ZNF253: variants seen among roughly 807,000 people sequenced by gnomAD.
ZNF253 encodes zinc finger protein 253.
Under a neutral mutation model 11.9 loss-of-function variants are expected in ZNF253, and 8 were observed. That is an observed-to-expected ratio of 0.67 (90% CI 0.40 to 1.22). The LOEUF (loss-of-function observed/expected upper bound fraction) is 1.22. Among genes scored for constraint, ZNF253 ranks in the 50% most tolerant of loss-of-function variants. The pLI is 0.01. For synonymous variants in ZNF253, 194 were observed against 194.9 expected, an observed-to-expected ratio of 1.00 and a Z score of 0.04; for missense variants, 485 against 586.9, an observed-to-expected ratio of 0.83 and a Z score of 1.79.
At chr19:19,866,032 G>C in intron 1 of ZNF253, 33 bp downstream of exon 1, 1 of 1,614,182 alleles carries the variant, frequency 6.2e-7, no homozygotes, top group Non-Finnish European at 8.5e-7. Context: ...CGAGAGAGGG[G>C]AGAGGCTGTT....
intron 3 of ZNF253, among the ~76,000 whole-genome samples, chr19:19,885,339 TTTC>T (rs1568499247): frequency 1.4e-5 from 1 of 72,558 alleles, no homozygotes; most frequent in African/African-American, 1.7e-4. Context: ...TCTTTCTTTC[TTTC>T]TTTCTTTCTT....
rs926536089 is a variant in ZNF253 at position 19,894,469 on chromosome 19, G to C, written c.*1722G>C. ...GCATGATGAAAATATAAGTGGAGAG[G>C]CTCTTTGTAGTTAACTGATATTAAG... On this transcript the variant is annotated 3_prime_UTR_variant, in exon 4 of 4. Transcript: ENST00000589717. 1 of 152,116 alleles carries C rather than the reference G, an allele frequency of 6.6e-6. No individual in the cohort carries two copies. Among genetic ancestry groups the C allele is most frequent in the Non-Finnish European group, 1.5e-5 (1 of 68,010 alleles). The allele number at this position is 152,116 out of a possible 1,614,324, so 9.4% of individuals were successfully genotyped here.
At chr19:19,880,281 T>G (rs2063172393) in intron 3 of ZNF253, 135 bp downstream of exon 3, 4 of 525,904 alleles carry the variant, frequency 7.6e-6, no homozygotes, top group South Asian at 2.2e-5. Context: ...CTGTTTTTTT[T>G]TTTTTTTTTT....
In ZNF253 at chr19:19,866,097, C is replaced by T. The variant is rs535923000; in HGVS notation, c.3+98C>T. The stretch of plus-strand genomic sequence containing the variant: ...CTCTGCTTCCTCACAGTCAGCTCCA[C>T]AATCTGCCGCCGGAGTTCTCCCTGC... On this transcript the variant is annotated intron_variant, in intron 1 of 3. Transcript: ENST00000589717. 53 of 1,521,874 alleles carry T rather than the reference C, an allele frequency of 3.5e-5. No individual in the cohort carries two copies. In the South Asian group the frequency reaches 5.6e-4, roughly 16 times the overall value. The allele number at this position is 1,521,874 out of a possible 1,614,324, so 94.3% of individuals were successfully genotyped here.
At chr19:19,868,215 T>A (rs1008543844) in intron 1 of ZNF253, among the ~76,000 whole-genome samples, 6 of 152,138 alleles carry the variant, frequency 3.9e-5, no homozygotes, top group Non-Finnish European at 8.8e-5. Context: ...CCATTGTCAA[T>A]TTTTGCTTTT....
chr19:19,892,655 C>T lies in ZNF253; in HGVS notation c.1408C>T (p.His470Tyr). 1 of 1,613,282 alleles carries T rather than the reference C, an allele frequency of 6.2e-7. No homozygotes were observed. The highest frequency in any genetic ancestry group is 2.2e-5 in the East Asian group (1 of 44,854). Residue 470 changes from histidine (H) to tyrosine (Y), a missense_variant, in exon 4 of 4, where the codon CAT becomes TAT. Physicochemically the swap from His to Tyr is moderately conservative, Grantham distance 83. Around this residue, in one of 3 missense-constraint regions of ZNF253, gnomAD observed 232 missense variants for 321.4 expected, o/e 0.72. Transcript: ENST00000589717. ...AFNWSSDLNK[H>Y]KKIHIERKPY... The stretch of plus-strand genomic sequence containing the variant: ...TAACTGGTCCTCAGACCTTAATAAA[C>T]ATAAGAAAATTCATATTGAACGAAA...
chr19:19,866,672 A>G (rs980287975), intron 1 of ZNF253, among the ~76,000 whole-genome samples: 1 of 151,748 alleles, frequency 6.6e-6, no homozygotes, highest in African/African-American at 2.4e-5. Context: ...CTGATTTTGT[A>G]TTTTTAGTAG....
At chr19:19,873,186 G>A (rs999051059) in intron 1 of ZNF253, among the ~76,000 whole-genome samples, 5 of 150,598 alleles carry the variant, frequency 3.3e-5, no homozygotes, top group Non-Finnish European at 6.0e-5. Context: ...GTGTAAATAA[G>A]CATCTTAGGA....
intron 3 of ZNF253, among the ~76,000 whole-genome samples, chr19:19,882,654 A>G (rs1207971363): frequency 1.3e-5 from 2 of 152,132 alleles, no homozygotes; most frequent in Admixed American, 6.6e-5. Flanking sequence ...CTGTTTGTAC[A>G]CTTTAAGTCA....
At chr19:19,882,925 T>G (rs1482038847) in intron 3 of ZNF253, among the ~76,000 whole-genome samples, 2 of 151,288 alleles carry the variant, frequency 1.3e-5, no homozygotes, top group African/African-American at 4.9e-5. Context: ...GAGCCGAGAT[T>G]GCACCATTGC....
At position 19,894,062 on chromosome 19, in the gene ZNF253, AT is replaced by A. The variant is rs1462768497; in HGVS notation, c.*1316del. 4 of 152,246 alleles carry A rather than the reference AT, an allele frequency of 2.6e-5. No homozygotes were observed. The highest frequency in any genetic ancestry group is 5.9e-5 in the Non-Finnish European group (4 of 68,046). The allele number at this position is 152,246 out of a possible 1,614,324, so 9.4% of individuals were successfully genotyped here. ...TTAATTCAAAATTGATTCTATGTAA[AT>A]ATCAGAGAATTTTCCATAGAATAAT... On this transcript the variant is annotated 3_prime_UTR_variant, in exon 4 of 4. Transcript: ENST00000589717.
At chr19:19,871,757 T>C (rs2063134655) in intron 1 of ZNF253, among the ~76,000 whole-genome samples, 1 of 152,214 alleles carries the variant, frequency 6.6e-6, no homozygotes, top group African/African-American at 2.4e-5. Context: ...AGATTGACGA[T>C]GATGCATATC....
intron 3 of ZNF253, 143 bp downstream of exon 3, chr19:19,880,289 T>G: frequency 1.9e-6 from 1 of 523,238 alleles, no homozygotes; most frequent in South Asian, 2.1e-5. Flanking sequence ...TTTTTTTTTT[T>G]TTTCTCCCAC....
chr19:19,867,826 G>A (rs930964728), intron 1 of ZNF253, among the ~76,000 whole-genome samples: 4 of 152,114 alleles, frequency 2.6e-5, no homozygotes, highest in Admixed American at 6.5e-5. Context: ...TAGAGTATAA[G>A]CATTCCCTTT....
chr19:19,879,565 A>G (rs1324841849), intron 2 of ZNF253, among the ~76,000 whole-genome samples: 3 of 152,182 alleles, frequency 2.0e-5, no homozygotes. Context: ...TAAGTTAACT[A>G]CAAAGAGCCT....
chr19:19,866,141 C>G, intron 1 of ZNF253, 142 bp downstream of exon 1: 1 of 1,112,734 alleles, frequency 9.0e-7, no homozygotes, highest in South Asian at 1.4e-5. Context: ...GCCTCAGTCC[C>G]CTTCAGCCAT....
In ZNF253 at chr19:19,890,935, T is replaced by C. The variant is rs113485314; in HGVS notation, c.227-539T>C. ...TGGCTCACTGCAGTCTTTGCCTCCC[T>C]GGTTCAAGCAATTCTCTGCCGCAGC... On this transcript the variant is annotated intron_variant, in intron 3 of 3. Transcript: ENST00000589717. Among the ~76,000 whole-genome samples the C allele has an allele frequency of 2.5e-3, 361 of 145,846 alleles. 5 individuals carry two copies. Among genetic ancestry groups the C allele is most frequent in the Middle Eastern group, 0.011 (3 of 282 alleles).
At chr19:19,885,326 CT>C (rs1336779849) in intron 3 of ZNF253, among the ~76,000 whole-genome samples, 9 of 71,770 alleles carry the variant, frequency 1.3e-4, no homozygotes, top group African/African-American at 1.5e-4. Flanking sequence ...TTCTTTCTTT[CT>C]TTCTTTCTTT....
rs1044280022 is a variant in ZNF253 at position 19,891,601 on chromosome 19, C to G, written c.354C>G (p.Ser118Arg). 6.2e-7 allele frequency: 1 copy of G among 1,614,000 alleles called. No homozygotes were observed. The highest frequency in any genetic ancestry group is 8.5e-7 in the Non-Finnish European group (1 of 1,179,978). The change falls in exon 4 of 4, where the codon AGC (serine) becomes AGG (arginine). Residue 118 changes from serine to arginine, a missense_variant. Ser to Arg is a moderately radical substitution (Grantham distance 110). Coordinates refer to ENST00000589717, the MANE Select transcript of ZNF253 (RefSeq NM_021047.3). The part of the protein sequence containing the change: ...DNLQLKKGCK[S>R]VGEHKVHKGG... ...TACAGTTAAAAAAAGGCTGTAAAAG[C>G]GTGGGTGAGCATAAGGTGCACAAAG...
Sources: gnomAD v4.1 joint callset for allele counts (sites outside exome capture counted in the v4.1 genomes callset) on GRCh38, gnomAD v4.1.1 for gene constraint, gnomAD v4.1.1 regional missense constraint, MANE v1.5 for transcripts, NCBI Gene and HGNC (gene_info 2026-07-23, HGNC 2026-07-21) for gene names.